The following VWA5B1 variants were observed in gnomAD, a reference collection of about 807,000 sequenced individuals.
VWA5B1 encodes von Willebrand factor A domain-containing protein 5B1.
Under a neutral mutation model 118.2 loss-of-function variants are expected in VWA5B1, and 115 were observed. The ratio of observed to expected loss-of-function variants is 0.97; its 90% CI spans 0.84 to 1.14. The LOEUF (loss-of-function observed/expected upper bound fraction) is 1.14, where lower values mean the gene tolerates loss of function less well. VWA5B1 is among the 50% of genes most tolerant of loss of function. The pLI is 0.00. For missense variants in VWA5B1, 1,596 were observed against 1,603.8 expected (o/e 1.00, Z 0.08); for synonymous variants, 682 against 658.4 (o/e 1.04, Z -0.55).
At chr1:20,299,427 A>G (rs1243309146) in intron 1 of VWA5B1, among the ~76,000 whole-genome samples, 4 of 152,140 alleles carry the variant, frequency 2.6e-5, no homozygotes, top group South Asian at 2.1e-4. Flanking sequence ...TTTTTGAGAC[A>G]GAGTCTCACT....
intron 1 of VWA5B1, among the ~76,000 whole-genome samples, chr1:20,301,387 T>G (rs1307061066): frequency 6.6e-6 from 1 of 152,126 alleles, no homozygotes; most frequent in Non-Finnish European, 1.5e-5. Context: ...GAGAAGACAT[T>G]TTTACCCGCC....
chr1:20,297,772 C>G (rs893886965), intron 1 of VWA5B1, among the ~76,000 whole-genome samples: 5 of 152,168 alleles, frequency 3.3e-5, no homozygotes, highest in Admixed American at 3.3e-4. Flanking sequence ...GCAGCAGGTC[C>G]CCTATTCACA....
At position 20,353,945 on chromosome 1, in the gene VWA5B1, G is replaced by A. The variant is rs896887799; in HGVS notation, c.3330G>A (p.Pro1110=). 1.9e-5 allele frequency: 29 copies of A among 1,551,398 alleles called. No homozygotes were observed. The East Asian group carries it at 3.9e-4, about 21-fold the overall frequency. The change falls in exon 22 of 22, where the codon CCG becomes CCA. Residue 1110 remains proline (P), a synonymous_variant. Transcript: ENST00000289815. ...GCACCAGCTCCCCGCCTAGGCACCC[G>A]TCCTGTGACAGCTTCTCCCTGGAGC... The part of the protein sequence containing the change: ...QLCTSSPPRH[P]SCDSFSLEPL...
chr1:20,311,181 C>A (rs1159746406), intron 2 of VWA5B1, among the ~76,000 whole-genome samples: 1 of 152,194 alleles, frequency 6.6e-6, no homozygotes, highest in African/African-American at 2.4e-5. Flanking sequence ...CCATGTTGCC[C>A]AGTCTGGTCT....
In VWA5B1 at chr1:20,298,589, G is replaced by A. The variant is rs531002915; in HGVS notation, c.-27+7501G>A. 3.3e-5 allele frequency among the ~76,000 whole-genome samples: 5 copies of A among 152,204 alleles called. No homozygotes were observed. The South Asian group carries it at 8.3e-4, about 25-fold the overall frequency. On this transcript the variant is annotated intron_variant, in intron 1 of 21. Transcript: ENST00000289815. The stretch of plus-strand genomic sequence containing the variant: ...ACAGTTCTCTTTCTCATCATCATGA[G>A]GCAGTGAGGCGAGCTCTACTTCTGT...
At chr1:20,345,674 G>A (rs2089993299) in intron 17 of VWA5B1, 81 bp downstream of exon 17, 1 of 1,453,886 alleles carries the variant, frequency 6.9e-7, no homozygotes, top group East Asian at 2.5e-5. Flanking sequence ...AGATACAAAG[G>A]ACCACAGACC....
intron 1 of VWA5B1, among the ~76,000 whole-genome samples, 200 bp from the exon 2 acceptor site, chr1:20,310,376 A>G (rs2088810189): frequency 6.6e-6 from 1 of 152,214 alleles, no homozygotes; most frequent in African/African-American, 2.4e-5. Context: ...GTAAAATGAA[A>G]GGAAGAGAAC....
At position 20,317,652 on chromosome 1, in the gene VWA5B1, T is replaced by C; in HGVS notation, c.686T>C (p.Ile229Thr). 7 of 1,551,428 alleles carry C rather than the reference T, an allele frequency of 4.5e-6. No individual in the cohort carries two copies. Among genetic ancestry groups the C allele is most frequent in the Non-Finnish European group, 6.1e-6 (7 of 1,146,804 alleles). Reference protein sequence around the residue: ...MEYEFNFQLEIRGPCLLAGVE... With the variant: ...MEYEFNFQLETRGPCLLAGVE... ...TATGAGTTCAACTTCCAGCTGGAGA[T>C]CCGTGGGCCATGTCTGCTCGCAGGT... The change falls in exon 5 of 22, where the codon ATC (isoleucine) becomes ACC (threonine). Residue 229 changes from isoleucine to threonine, a missense_variant. By Grantham distance (89) the Ile-to-Thr change is moderately conservative. Coordinates refer to ENST00000289815, the MANE Select transcript of VWA5B1 (RefSeq NM_001039500.3).
At chr1:20,324,160 C>A (rs184174775) in intron 8 of VWA5B1, among the ~76,000 whole-genome samples, 27 of 152,188 alleles carry the variant, frequency 1.8e-4, no homozygotes, top group African/African-American at 6.3e-4. Flanking sequence ...TAATAGGTGC[C>A]AAGCCTTGCC....
In VWA5B1 at chr1:20,355,484, C is replaced by A. The variant is rs1472565152; in HGVS notation, c.*1221C>A. 1.3e-5 allele frequency among the ~76,000 whole-genome samples: 2 copies of A among 152,224 alleles called. No individual in the cohort carries two copies. The highest frequency in any genetic ancestry group is 2.9e-5 in the Non-Finnish European group (2 of 68,030). ...GTCTAGACCTCACCAAGGAACCCCACCAGCTTGGGACTTCAGGCTGAATCT... is the reference window on the plus strand; with the variant it reads ...GTCTAGACCTCACCAAGGAACCCCAACAGCTTGGGACTTCAGGCTGAATCT... On this transcript the variant is annotated 3_prime_UTR_variant, in exon 22 of 22. Transcript: ENST00000289815.
At chr1:20,333,039 G>A in intron 12 of VWA5B1, 88 bp downstream of exon 12, 1 of 1,444,870 alleles carries the variant, frequency 6.9e-7, no homozygotes, top group Non-Finnish European at 9.3e-7. Flanking sequence ...ATTTGTGACA[G>A]CTAGAAACCA....
chr1:20,338,291 A>G, intron 14 of VWA5B1: 2 of 342,480 alleles, frequency 5.8e-6, no homozygotes, highest in Non-Finnish European at 1.2e-5. Context: ...ATTAGATTGC[A>G]CCTCCTACAA....
chr1:20,325,211 G>A (rs955609966), intron 8 of VWA5B1, among the ~76,000 whole-genome samples: 1 of 152,154 alleles, frequency 6.6e-6, no homozygotes, highest in Non-Finnish European at 1.5e-5. Flanking sequence ...GGAGAATTAT[G>A]CATACTGTTC....
At chr1:20,348,656 C>T (rs115870955) in intron 18 of VWA5B1, among the ~76,000 whole-genome samples, 4 of 152,240 alleles carry the variant, frequency 2.6e-5, no homozygotes, top group Non-Finnish European at 4.4e-5. Flanking sequence ...TGGTGCTGTT[C>T]CCTGCCTCCA....
In VWA5B1 at chr1:20,310,598, C is replaced by A. The variant is rs140153632; in HGVS notation, c.-4C>A. ...CAGGTTCTGAAGGCTGAGTAGCCAGCGGGATGCCCGGCTTGCTGAATTGGA... is the reference window on the plus strand; with the variant it reads ...CAGGTTCTGAAGGCTGAGTAGCCAGAGGGATGCCCGGCTTGCTGAATTGGA... On this transcript the variant is annotated 5_prime_UTR_variant, in exon 2 of 22. Transcript: ENST00000289815. The A allele has an allele frequency of 3.3e-6, 5 of 1,529,704 alleles. No individual in the cohort carries two copies. The South Asian group carries it at 3.8e-5, about 11-fold the overall frequency. The allele number at this position is 1,529,704 out of a possible 1,614,324, so 94.8% of individuals were successfully genotyped here. A position where few individuals can be genotyped will look rare whatever the true frequency, so the allele number is the denominator to read the frequency against.
At position 20,327,937 on chromosome 1, in the gene VWA5B1, C is replaced by T. The variant is rs1382665882; in HGVS notation, c.1191C>T (p.Phe397=). ...ALKSLMPACL[F]NIIGFGSTFK... is the part of the protein sequence containing the mutation. ...AGAGCCTCATGCCAGCCTGCCTCTT[C>T]AATATCATTGGGTTTGGATCCACAT... The change falls in exon 9 of 22, where the codon TTC becomes TTT. Residue 397 remains phenylalanine (F), a synonymous_variant. Coordinates refer to ENST00000289815, the MANE Select transcript of VWA5B1 (RefSeq NM_001039500.3). 1.3e-6 allele frequency: 2 copies of T among 1,551,514 alleles called. No homozygotes were observed. The highest frequency in any genetic ancestry group is 8.7e-7 in the Non-Finnish European group (1 of 1,147,018).
Position 20,350,181 on chromosome 1 carries a change from C to G in VWA5B1, c.2904C>G (p.Leu968=). The change falls in exon 19 of 22, where the codon CTC becomes CTG. Residue 968 remains leucine, a synonymous_variant. Coordinates refer to ENST00000289815, the MANE Select transcript of VWA5B1 (RefSeq NM_001039500.3). The part of the protein sequence containing the change: ...GNDMEASPTA[L]FSEARSPGRE... ...ACATGGAGGCAAGTCCCACTGCTCT[C>G]TTCAGCGAGGCCAGGTCCCCCGGCC... The G allele has an allele frequency of 6.4e-7, 1 of 1,551,246 alleles. No individual in the cohort carries two copies. Among genetic ancestry groups the G allele is most frequent in the Non-Finnish European group, 8.7e-7 (1 of 1,146,992 alleles).
intron 16 of VWA5B1, among the ~76,000 whole-genome samples, chr1:20,343,606 C>A (rs1172306152): frequency 1.4e-5 from 2 of 145,256 alleles, no homozygotes; most frequent in African/African-American, 5.2e-5. Flanking sequence ...CTTCCCCTTC[C>A]AGGCCCCACT....
chr1:20,311,624 A>G (rs1387345186), intron 2 of VWA5B1, among the ~76,000 whole-genome samples: 1 of 152,178 alleles, frequency 6.6e-6, no homozygotes, highest in Non-Finnish European at 1.5e-5. Context: ...CTTCCACTTC[A>G]GGAGGGGAAT....
Sources: allele counts gnomAD v4.1 joint callset (sites outside exome capture counted in the v4.1 genomes callset), GRCh38; gene constraint gnomAD v4.1.1; transcripts MANE v1.5; gene names NCBI Gene and HGNC (gene_info 2026-07-23, HGNC 2026-07-21).